The following PLPP3 variants were observed in gnomAD, a reference collection of about 807,000 sequenced individuals.
PLPP3 encodes the protein phospholipid phosphatase 3.
Under a neutral mutation model 29.6 loss-of-function variants are expected in PLPP3, and 6 were observed. That is an observed-to-expected ratio of 0.20 (90% CI 0.11 to 0.40). The LOEUF is 0.40. PLPP3 is among the 10% of genes least tolerant of loss of function. The pLI is 1.00. For missense variants in PLPP3, 308 were observed against 407.7 expected (o/e 0.76, Z 2.11); for synonymous variants, 152 against 159.7 (o/e 0.95, Z 0.36).
chr1:56,521,077 A>G (rs935990645), intron 4 of PLPP3, among the ~76,000 whole-genome samples: 3 of 151,800 alleles, frequency 2.0e-5, no homozygotes, highest in African/African-American at 7.3e-5. Context: ...CTACAAAAAA[A>G]TACAAAAATT....
chr1:56,500,109 A>G (rs1645657241), intron 5 of PLPP3, among the ~76,000 whole-genome samples: 1 of 152,256 alleles, frequency 6.6e-6, no homozygotes, highest in African/African-American at 2.4e-5. Flanking sequence ...AATTCTTTGA[A>G]TTTTATAAAT....
chr1:56,513,487 C>G (rs1163087809), intron 4 of PLPP3: 1 of 152,540 alleles, frequency 6.6e-6, no homozygotes, highest in Non-Finnish European at 1.5e-5. Context: ...GTTTGTCCTT[C>G]CTGGGACAGA....
At position 56,545,723 on chromosome 1, in the gene PLPP3, G is replaced by A. The variant is rs138317845; in HGVS notation, c.140-8611C>T. On this transcript the variant is annotated intron_variant, in intron 1 of 5. Transcript: ENST00000371250. ...TTTTCCAGCAGTTAAAAATTCATTC[G>A]TCAGCATGTGCACTCCCATCCAAGC... 8.7e-3 allele frequency among the ~76,000 whole-genome samples: 1,325 copies of A among 152,148 alleles called. 13 individuals carry two copies. The highest frequency in any genetic ancestry group is 0.03 in the African/African-American group (1,259 of 41,488).
At chr1:56,533,730 G>A (rs1645906218) in intron 2 of PLPP3, among the ~76,000 whole-genome samples, 1 of 152,146 alleles carries the variant, frequency 6.6e-6, no homozygotes, top group Non-Finnish European at 1.5e-5. Flanking sequence ...ACCAAAACAA[G>A]CCTATGGCAT....
intron 1 of PLPP3, among the ~76,000 whole-genome samples, chr1:56,557,292 C>G (rs534678481): frequency 1.3e-5 from 2 of 151,364 alleles, no homozygotes; most frequent in Non-Finnish European, 2.9e-5. Context: ...GCAGGAGAAT[C>G]GCTTGAACCT....
chr1:56,507,444 G>A (rs555063905), intron 5 of PLPP3, among the ~76,000 whole-genome samples: 1 of 152,284 alleles, frequency 6.6e-6, no homozygotes, highest in East Asian at 1.9e-4. Context: ...ACTACATACC[G>A]AGAATAAATA....
chr1:56,523,374 C>T (rs1489334255), intron 4 of PLPP3, among the ~76,000 whole-genome samples: 1 of 152,156 alleles, frequency 6.6e-6, no homozygotes, highest in Non-Finnish European at 1.5e-5. Context: ...CTGAGACTTA[C>T]TTAGCAATCT....
intron 1 of PLPP3, among the ~76,000 whole-genome samples, chr1:56,549,614 C>A (rs891319578): frequency 6.6e-6 from 1 of 152,160 alleles, no homozygotes; most frequent in Non-Finnish European, 1.5e-5. Context: ...TCCATAGCAT[C>A]TTTACGTGAT....
chr1:56,505,535 C>T (rs766239545), intron 5 of PLPP3, among the ~76,000 whole-genome samples: 4 of 152,202 alleles, frequency 2.6e-5, no homozygotes, highest in Non-Finnish European at 5.9e-5. Flanking sequence ...AGACCAACCC[C>T]TCCTCTTCTT....
At position 56,533,962 on chromosome 1, in the gene PLPP3, G is replaced by A. The variant is rs1211063153; in HGVS notation, c.297+2993C>T. Among the ~76,000 whole-genome samples, 7 of 152,158 alleles carry A rather than the reference G, an allele frequency of 4.6e-5. No individual in the cohort carries two copies. The South Asian group carries it at 1.2e-3, about 27-fold the overall frequency. ...AGCATTTTTATGGCTAGGGAGAGAA[G>A]GAGATTCATCCGTGACTCAACCATG... is the stretch of plus-strand genomic sequence containing the variant. On this transcript the variant is annotated intron_variant, in intron 2 of 5. Coordinates refer to ENST00000371250, the MANE Select transcript of PLPP3 (RefSeq NM_003713.5).
At chr1:56,572,721 C>T (rs149164753) in intron 1 of PLPP3, among the ~76,000 whole-genome samples, 1 of 152,164 alleles carries the variant, frequency 6.6e-6, no homozygotes, top group African/African-American at 2.4e-5. Context: ...TTTTATAGAA[C>T]CATTGAGGAG....
chr1:56,557,398 G>A (rs1223819162), intron 1 of PLPP3, among the ~76,000 whole-genome samples: 2 of 151,928 alleles, frequency 1.3e-5, no homozygotes. Flanking sequence ...GAAAGGAAAG[G>A]AAGAGAAAGA....
intron 4 of PLPP3, among the ~76,000 whole-genome samples, chr1:56,523,295 T>G (rs761833847): frequency 6.6e-6 from 1 of 152,198 alleles, no homozygotes. Flanking sequence ...GCAAAAAAAT[T>G]TATCAGAAGG....
chr1:56,556,539 A>G (rs186763102), intron 1 of PLPP3, among the ~76,000 whole-genome samples: 19 of 152,286 alleles, frequency 1.2e-4, no homozygotes, highest in Admixed American at 3.3e-4. Flanking sequence ...GTCTTTTCCA[A>G]ATCTTAGGTG....
chr1:56,505,563 T>C (rs751300272), intron 5 of PLPP3, among the ~76,000 whole-genome samples: 7 of 152,220 alleles, frequency 4.6e-5, no homozygotes, highest in Non-Finnish European at 8.8e-5. Flanking sequence ...GTGAGCCTAC[T>C]CAACATGGAA....
intron 2 of PLPP3, among the ~76,000 whole-genome samples, chr1:56,529,771 G>A (rs372093453): frequency 6.6e-6 from 1 of 152,152 alleles, no homozygotes. Context: ...CAGAAGATCA[G>A]TGCCTCACTG....
chr1:56,510,171 C>T (rs913704207), intron 5 of PLPP3, among the ~76,000 whole-genome samples: 1 of 152,164 alleles, frequency 6.6e-6, no homozygotes, highest in Non-Finnish European at 1.5e-5. Context: ...CAGGCCCCCG[C>T]GGGCTGTCCT....
At chr1:56,574,610 T>G (rs953424157) in intron 1 of PLPP3, among the ~76,000 whole-genome samples, 1 of 152,134 alleles carries the variant, frequency 6.6e-6, no homozygotes, top group Non-Finnish European at 1.5e-5. Flanking sequence ...AATTTACCGG[T>G]TGATTAATGA....
chr1:56,515,732 T>A (rs1645776567), intron 4 of PLPP3, among the ~76,000 whole-genome samples: 3 of 152,212 alleles, frequency 2.0e-5, no homozygotes, highest in Admixed American at 2.0e-4. Flanking sequence ...GCACTGATCC[T>A]GGTGTCTGCA....
Sources: gnomAD v4.1 joint callset for allele counts (sites outside exome capture counted in the v4.1 genomes callset) on GRCh38, gnomAD v4.1.1 for gene constraint, MANE v1.5 for transcripts, NCBI Gene and HGNC (gene_info 2026-07-23, HGNC 2026-07-21) for gene names.